DPH6: variants seen among roughly 807,000 people sequenced by gnomAD.
DPH6 encodes diphthamine biosynthesis 6, also known as diphthine--ammonia ligase.
In DPH6, 33 loss-of-function variants were observed where a neutral mutation model predicts 38.2. The ratio of observed to expected loss-of-function variants is 0.86; its 90% confidence interval spans 0.65 to 1.15. The LOEUF is 1.15. DPH6 is among the 50% of genes most tolerant of loss of function. The pLI, the probability that DPH6 is intolerant of heterozygous loss-of-function variation, is 0.00. For missense variants in DPH6, 325 were observed against 320.0 expected (o/e 1.02, Z -0.12); for synonymous variants, 108 against 103.0 (o/e 1.05, Z -0.30).
intron 5 of DPH6, among the ~76,000 whole-genome samples, chr15:35,413,920 G>A (rs994010942): frequency 6.6e-6 from 1 of 151,174 alleles, no homozygotes; most frequent in African/African-American, 2.4e-5. Context: ...TCTACTTTTC[G>A]GATAATCATC....
At chr15:35,543,935 A>G (rs1001112323) in intron 1 of DPH6, among the ~76,000 whole-genome samples, 6 of 152,226 alleles carry the variant, frequency 3.9e-5, no homozygotes, top group African/African-American at 1.2e-4. Context: ...ATTTATTTTG[A>G]AATATGCCAA....
intron 3 of DPH6, among the ~76,000 whole-genome samples, chr15:35,471,427 C>T (rs758993197): frequency 7.9e-5 from 12 of 152,196 alleles, no homozygotes; most frequent in Non-Finnish European, 1.8e-4. Context: ...GCCATCACTG[C>T]TTTCTCCACT....
At chr15:35,207,838 T>C in the DPH6 span, among the ~76,000 whole-genome samples, 4 of 152,216 alleles carry the variant, frequency 2.6e-5, no homozygotes, top group African/African-American at 9.6e-5. Flanking sequence ...TAACTTGACA[T>C]TAACTAAACT....
chr15:35,188,554 C>G, the DPH6 span, among the ~76,000 whole-genome samples: 1 of 152,260 alleles, frequency 6.6e-6, no homozygotes, highest in East Asian at 1.9e-4. Flanking sequence ...TCCTTTCATT[C>G]CTGCTCTACA....
At chr15:35,233,537 T>C (rs1475018347) in intron 3 of DPH6, among the ~76,000 whole-genome samples, 1 of 152,194 alleles carries the variant, frequency 6.6e-6, no homozygotes, top group African/African-American at 2.4e-5. Context: ...AAAGGAATCA[T>C]TAAGACTTTC....
intron 3 of DPH6, among the ~76,000 whole-genome samples, chr15:35,502,457 T>C (rs2054639803): frequency 6.6e-6 from 1 of 152,084 alleles, no homozygotes; most frequent in Non-Finnish European, 1.5e-5. Flanking sequence ...GAGTTCTGTT[T>C]GTTTTATATT....
rs12438661 is a variant in DPH6, at chr15:35,270,381, G to A, written n.201-49799C>T. 0.025 allele frequency among the ~76,000 whole-genome samples: 3,865 copies of A among 152,248 alleles called. 316 individuals carry two copies. In the East Asian group the frequency reaches 0.32, roughly 13 times the overall value. On this transcript the variant is annotated intron_variant and non_coding_transcript_variant, in intron 3 of 3. Transcript: ENST00000560386. ...TGTCAGCTATTTTGTTATCTGTATT[G>A]TAAGTTAAAGGTGAGATAATTTTGA...
intron 6 of DPH6, chr15:35,401,652 G>T (rs2053221371): frequency 1.3e-6 from 1 of 751,948 alleles, no homozygotes; most frequent in Middle Eastern, 3.6e-4. Context: ...AAACTTTGGA[G>T]GCAGAAACTC....
chr15:35,510,390 T>C (rs148462539), intron 3 of DPH6, among the ~76,000 whole-genome samples: 17 of 152,316 alleles, frequency 1.1e-4, no homozygotes, highest in African/African-American at 4.1e-4. Flanking sequence ...CTGTCCATTT[T>C]TGTATAGGAA....
intron 6 of DPH6, chr15:35,400,811 C>T (rs1340480559): frequency 9.2e-6 from 7 of 761,948 alleles, no homozygotes; most frequent in Admixed American, 3.4e-5. Context: ...GGAATGCTCA[C>T]GGACTGTGTG....
intron 3 of DPH6, among the ~76,000 whole-genome samples, chr15:35,357,723 G>A (rs972484955): frequency 4.6e-5 from 7 of 152,128 alleles, no homozygotes; most frequent in African/African-American, 1.4e-4. Context: ...ATCACTTCTC[G>A]CTTGTAGAGT....
the DPH6 span, among the ~76,000 whole-genome samples, chr15:35,179,216 A>G: frequency 6.6e-6 from 1 of 150,418 alleles, no homozygotes; most frequent in African/African-American, 2.5e-5. Flanking sequence ...AAAAAAAAAA[A>G]AAAAAAAAAA....
intron 3 of DPH6, among the ~76,000 whole-genome samples, chr15:35,474,398 A>G (rs938586475): frequency 6.6e-6 from 1 of 152,174 alleles, no homozygotes; most frequent in Non-Finnish European, 1.5e-5. Context: ...ACTGAGGACC[A>G]GTTACATTCT....
chr15:35,239,136 G>T (rs2051579458), intron 3 of DPH6, among the ~76,000 whole-genome samples: 1 of 143,864 alleles, frequency 7.0e-6, no homozygotes, highest in Non-Finnish European at 1.5e-5. Context: ...TTTGCTCCGT[G>T]AGAAAGATCC....
rs1168975292 is a variant in DPH6 at position 35,432,918 on chromosome 15, T to C, written c.505+17767A>G. On this transcript the variant is annotated intron_variant, in intron 5 of 8. Coordinates refer to ENST00000256538, the MANE Select transcript of DPH6 (RefSeq NM_080650.4). ...ACTGTCAGGTACTGAGCTCACTATCTGGGCGTAAATGACTAATGACTAAAT... is the reference window on the plus strand; with the variant it reads ...ACTGTCAGGTACTGAGCTCACTATCCGGGCGTAAATGACTAATGACTAAAT... Among the ~76,000 whole-genome samples, 2 of 152,148 alleles carry C rather than the reference T, an allele frequency of 1.3e-5. 1 individual carries two copies. Among genetic ancestry groups the C allele is most frequent in the Admixed American group, 1.3e-4 (2 of 15,274 alleles).
chr15:35,460,204 C>A (rs761681686), intron 3 of DPH6, among the ~76,000 whole-genome samples: 1 of 151,990 alleles, frequency 6.6e-6, no homozygotes, highest in Non-Finnish European at 1.5e-5. Flanking sequence ...ACTGCCAGTT[C>A]TTCAAAGAAT....
chr15:35,486,712 C>T (rs1229365421), intron 3 of DPH6, among the ~76,000 whole-genome samples: 3 of 152,074 alleles, frequency 2.0e-5, no homozygotes, highest in Non-Finnish European at 4.4e-5. Flanking sequence ...TCATGTCCTT[C>T]TCACATTTCA....
intron 3 of DPH6, among the ~76,000 whole-genome samples, chr15:35,321,660 T>A (rs1300195638): frequency 6.6e-6 from 1 of 152,218 alleles, no homozygotes; most frequent in Non-Finnish European, 1.5e-5. Context: ...AATACTTCAA[T>A]AAGAAGGTAA....
chr15:35,200,707 A>C, the DPH6 span, among the ~76,000 whole-genome samples: 1 of 151,916 alleles, frequency 6.6e-6, no homozygotes, highest in African/African-American at 2.4e-5. Context: ...AAACAACAAC[A>C]TCCATGCATC....
Sources: allele counts gnomAD v4.1 joint callset (sites outside exome capture counted in the v4.1 genomes callset), GRCh38; gene constraint gnomAD v4.1.1; transcripts MANE v1.5; gene names NCBI Gene and HGNC (gene_info 2026-07-23, HGNC 2026-07-21).